C2CD3: variants seen among roughly 807,000 people sequenced by gnomAD.
The protein encoded by C2CD3 is C2 domain containing 3 centriole elongation regulator.
C2CD3 carries 148 observed loss-of-function variants against 234.0 expected under a neutral mutation model. That is an observed-to-expected ratio of 0.63 (90% CI 0.55 to 0.72). C2CD3 has a LOEUF of 0.72. Among genes scored for constraint, C2CD3 ranks in the 30% least tolerant of loss-of-function variants. C2CD3 has a pLI of 0.00. For missense variants in C2CD3, 2,577 were observed against 2,811.5 expected, an observed-to-expected ratio of 0.92 and a Z score of 1.89; for synonymous variants, 1,000 against 1,035.4, an observed-to-expected ratio of 0.97 and a Z score of 0.66.
intron 24 of C2CD3, among the ~76,000 whole-genome samples, chr11:74,073,510 C>G (rs571060300): frequency 8.0e-5 from 12 of 150,350 alleles, no homozygotes; most frequent in African/African-American, 2.9e-4. Context: ...TTGCTTGAAG[C>G]TGGGAGGTGG....
intron 12 of C2CD3, among the ~76,000 whole-genome samples, chr11:74,107,659 G>A (rs1405741576): frequency 1.3e-5 from 2 of 151,996 alleles, no homozygotes; most frequent in Non-Finnish European, 2.9e-5. Flanking sequence ...CCCTCAAGAT[G>A]CTAAATGATA....
intron 8 of C2CD3, among the ~76,000 whole-genome samples, chr11:74,121,381 C>T (rs916217757): frequency 4.0e-5 from 6 of 151,776 alleles, no homozygotes; most frequent in Non-Finnish European, 8.8e-5. Context: ...CTGAGGTGCG[C>T]GGACCACTTG....
chr11:74,015,748 A>G (rs1467405874), intron 32 of C2CD3, among the ~76,000 whole-genome samples: 5 of 152,174 alleles, frequency 3.3e-5, no homozygotes, highest in Non-Finnish European at 7.3e-5. Flanking sequence ...GGAAGGGCCA[A>G]CTACCTCAGT....
rs577502198 is a variant in C2CD3, at chr11:74,027,940, C to T, written c.6921+347G>A. ...CATCCAGATCTTACTGTTGTACTCC[C>T]GTAAGGTTGCATCTCCGCTCCTATC... On this transcript the variant is annotated intron_variant, in intron 32 of 32. Coordinates refer to ENST00000334126, the MANE Select transcript of C2CD3 (RefSeq NM_001286577.2). Among the ~76,000 whole-genome samples the T allele has an allele frequency of 1.4e-4, 21 of 152,208 alleles. No homozygotes were observed. In the South Asian group the frequency reaches 3.9e-3, roughly 29 times the overall value.
chr11:74,102,972 C>T (rs1246913929), intron 14 of C2CD3, among the ~76,000 whole-genome samples, 159 bp downstream of exon 14: 1 of 152,116 alleles, frequency 6.6e-6, no homozygotes, highest in Non-Finnish European at 1.5e-5. Flanking sequence ...AATGCCTTTC[C>T]CTCTTCCCAT....
At chr11:74,018,463 C>A (rs555693061) in intron 32 of C2CD3, among the ~76,000 whole-genome samples, 1 of 152,264 alleles carries the variant, frequency 6.6e-6, no homozygotes, top group Admixed American at 6.5e-5. Context: ...TGTTCTTTTC[C>A]ACAGTAGCCC....
chr11:74,152,332 A>G (rs926287875), intron 3 of C2CD3, among the ~76,000 whole-genome samples: 4 of 152,196 alleles, frequency 2.6e-5, no homozygotes, highest in Admixed American at 1.3e-4. Flanking sequence ...AAACCAAACT[A>G]CCAAAGCTCA....
chr11:74,133,634 C>G, intron 5 of C2CD3, 77 bp from the exon 6 acceptor site: 2 of 1,470,078 alleles, frequency 1.4e-6, no homozygotes, highest in Non-Finnish European at 1.9e-6. Flanking sequence ...GCATTTCCTT[C>G]TATCAGAGGA....
At chr11:74,039,261 C>T (rs981600288) in intron 29 of C2CD3, among the ~76,000 whole-genome samples, 2 of 152,202 alleles carry the variant, frequency 1.3e-5, no homozygotes, top group Non-Finnish European at 2.9e-5. Flanking sequence ...CTGTACTTTG[C>T]TCATCTGTGA....
At chr11:74,060,617 A>G (rs1047798633) in intron 24 of C2CD3, among the ~76,000 whole-genome samples, 18 of 152,212 alleles carry the variant, frequency 1.2e-4, no homozygotes, top group Non-Finnish European at 2.6e-4. Context: ...CCCCATGTGG[A>G]CGTCACCATC....
intron 3 of C2CD3, among the ~76,000 whole-genome samples, chr11:74,158,180 A>C (rs1016135838): frequency 3.3e-5 from 5 of 152,216 alleles, no homozygotes; most frequent in African/African-American, 1.2e-4. Flanking sequence ...AAAATAGACA[A>C]ATGGGAGTAC....
intron 11 of C2CD3, 118 bp from the exon 12 acceptor site, chr11:74,109,270 C>A: frequency 4.9e-6 from 3 of 613,670 alleles, no homozygotes; most frequent in South Asian, 2.3e-5. Flanking sequence ...CTGCAGAAAT[C>A]GAGTCAGTGT....
At chr11:74,118,440 C>T (rs745646217) in intron 8 of C2CD3, 58 bp from the exon 9 acceptor site, 39 of 1,383,208 alleles carry the variant, frequency 2.8e-5, no homozygotes, top group South Asian at 4.9e-5. Flanking sequence ...ATTGTAGCTA[C>T]GAAACATTTC....
chr11:74,100,838 G>C (rs1956288270), intron 14 of C2CD3, among the ~76,000 whole-genome samples, 162 bp from the exon 15 acceptor site: 2 of 152,354 alleles, frequency 1.3e-5, no homozygotes, highest in Admixed American at 1.3e-4. Flanking sequence ...CTCAAGAGAA[G>C]TAGCAGTCTG....
At position 74,090,703 on chromosome 11, in the gene C2CD3, T is replaced by G; in HGVS notation, c.3641+110A>C. 4 of 1,141,390 alleles carry G rather than the reference T, an allele frequency of 3.5e-6. No homozygotes were observed. The South Asian group carries it at 4.2e-5, about 12-fold the overall frequency. The allele number at this position is 1,141,390 out of a possible 1,614,324, so 70.7% of individuals were successfully genotyped here. Reference sequence around the variant, plus strand: ...TTTATTAACAGAAAAAGAGGAGTTGTGGTTAGTGAACTGGAAATTATACCT... The same window carrying G: ...TTTATTAACAGAAAAAGAGGAGTTGGGGTTAGTGAACTGGAAATTATACCT... On this transcript the variant is annotated intron_variant, in intron 20 of 32. Coordinates refer to ENST00000334126, the MANE Select transcript of C2CD3 (RefSeq NM_001286577.2).
chr11:74,135,840 C>T (rs1271512026), intron 5 of C2CD3, among the ~76,000 whole-genome samples: 7 of 152,072 alleles, frequency 4.6e-5, no homozygotes, highest in South Asian at 2.1e-4. Flanking sequence ...AACTGGAGGC[C>T]GTTATCCTAG....
intron 26 of C2CD3, 44 bp downstream of exon 26, chr11:74,054,563 T>G: frequency 9.1e-7 from 1 of 1,098,672 alleles, no homozygotes; most frequent in East Asian, 2.4e-5. Context: ...GGATGTGAGC[T>G]TATTTTTACA....
At chr11:74,151,215 C>T (rs1342310438) in intron 3 of C2CD3, among the ~76,000 whole-genome samples, 4 of 151,964 alleles carry the variant, frequency 2.6e-5, no homozygotes, top group Non-Finnish European at 4.4e-5. Flanking sequence ...TCAGCCACAG[C>T]GCCTGGCCCA....
chr11:74,057,388 A>G lies in C2CD3; in HGVS notation c.5090+18T>C, dbSNP rs1467346547. On this transcript the variant is annotated intron_variant, in intron 25 of 32. Transcript: ENST00000334126. The stretch of plus-strand genomic sequence containing the variant: ...AAAGCAGATTCTGGAAGGCTGACGA[A>G]TAACGGATAACACAAACCTTGACTG... 5 of 1,614,002 alleles carry G rather than the reference A, an allele frequency of 3.1e-6. No individual in the cohort carries two copies. The highest frequency in any genetic ancestry group is 2.2e-5 in the East Asian group (1 of 44,880).
Sources: allele counts gnomAD v4.1 joint callset (sites outside exome capture counted in the v4.1 genomes callset), GRCh38; gene constraint gnomAD v4.1.1; transcripts MANE v1.5; gene names NCBI Gene and HGNC (gene_info 2026-07-23, HGNC 2026-07-21).